Variants in NEBL observed in about 807,000 individuals in gnomAD.
NEBL encodes the protein nebulette.
Under a neutral mutation model 140.2 loss-of-function variants are expected in NEBL, and 122 were observed. That is an observed-to-expected ratio of 0.87 (90% CI 0.75 to 1.01). NEBL has a LOEUF of 1.01. Among genes scored for constraint, NEBL ranks in the 50% least tolerant of loss-of-function variants. NEBL has a pLI of 0.00. For synonymous variants in NEBL, 436 were observed against 398.9 expected (o/e 1.09, Z -1.11); for missense variants, 1,365 against 1,231.3 (o/e 1.11, Z -1.62).
chr10:21,119,590 A>T (rs1260830107), intron 2 of NEBL, among the ~76,000 whole-genome samples: 1 of 151,612 alleles, frequency 6.6e-6, no homozygotes, highest in Non-Finnish European at 1.5e-5. Context: ...TGTTTTAGAT[A>T]ATTTACATGT....
At chr10:20,967,165 G>A (rs989811521) in intron 3 of NEBL, among the ~76,000 whole-genome samples, 10 of 150,206 alleles carry the variant, frequency 6.7e-5, no homozygotes, top group African/African-American at 2.0e-4. Context: ...TCTTAATAAC[G>A]TTGTTTCTAT....
At chr10:21,245,615 TC>T (rs1349381457) in intron 3 of NEBL, among the ~76,000 whole-genome samples, 3 of 152,148 alleles carry the variant, frequency 2.0e-5, no homozygotes, top group Non-Finnish European at 2.9e-5. Context: ...CACTGCAACC[TC>T]CACCTCCTGG....
Position 21,173,825 on chromosome 10 carries a change from G to A in NEBL, c.9C>T (p.Pro3=), listed in dbSNP as rs1481573998. The A allele has an allele frequency of 1.2e-6, 2 of 1,612,420 alleles. No individual in the cohort carries two copies. The highest frequency in any genetic ancestry group is 8.5e-7 in the Non-Finnish European group (1 of 1,179,748). Residue 3 remains proline (P), a synonymous_variant, in exon 1 of 7, where the codon CCC becomes CCT. Transcript: ENST00000417816. The surrounding 1 kb of genome is among the most constrained non-coding windows in gnomAD (Gnocchi z 5.7). Reference sequence around the variant, plus strand: ...CGACTTTTCCGCAACGGGCGCACTGGGGGTTCATGATCGCGGTTCCCGGGG... The same window carrying A: ...CGACTTTTCCGCAACGGGCGCACTGAGGGTTCATGATCGCGGTTCCCGGGG...
At chr10:20,861,014 T>A (rs1843643622) in intron 7 of NEBL, among the ~76,000 whole-genome samples, 1 of 152,196 alleles carries the variant, frequency 6.6e-6, no homozygotes, top group Non-Finnish European at 1.5e-5. Flanking sequence ...CCTTACAAAC[T>A]GATTTTAAGT....
At chr10:21,143,517 A>G (rs1190063806) in intron 2 of NEBL, among the ~76,000 whole-genome samples, 3 of 152,108 alleles carry the variant, frequency 2.0e-5, no homozygotes, top group African/African-American at 7.2e-5. Flanking sequence ...CAACAATTCA[A>G]TGCAATAAGT....
intron 3 of NEBL, among the ~76,000 whole-genome samples, chr10:21,002,012 G>C (rs1397602442): frequency 1.3e-5 from 2 of 152,066 alleles, no homozygotes; most frequent in Admixed American, 1.3e-4. Flanking sequence ...AGTAATTAAG[G>C]TGATTTGTTA....
chr10:20,840,531 A>G (rs901748979), intron 13 of NEBL, among the ~76,000 whole-genome samples: 34 of 152,178 alleles, frequency 2.2e-4, no homozygotes, highest in Non-Finnish European at 3.7e-4. Flanking sequence ...GATTTTCTCC[A>G]AAGTGGGGAA....
chr10:21,100,377 C>T (rs746921202), intron 2 of NEBL, among the ~76,000 whole-genome samples: 1 of 152,164 alleles, frequency 6.6e-6, no homozygotes, highest in African/African-American at 2.4e-5. Flanking sequence ...GGAGCTCACT[C>T]GCAAACTCTG....
At chr10:20,971,402 T>A (rs1836562675) in intron 3 of NEBL, among the ~76,000 whole-genome samples, 1 of 152,044 alleles carries the variant, frequency 6.6e-6, no homozygotes, top group South Asian at 2.1e-4. Context: ...TTATAATTTT[T>A]AAATATAAAT....
At chr10:20,972,986 A>G (rs1836645550) in intron 3 of NEBL, among the ~76,000 whole-genome samples, 1 of 152,152 alleles carries the variant, frequency 6.6e-6, no homozygotes, top group Non-Finnish European at 1.5e-5. Flanking sequence ...CGTCTTCCAT[A>G]AGAAAGAAAC....
chr10:21,165,547 AG>A (rs1386448086), intron 2 of NEBL, among the ~76,000 whole-genome samples: 3 of 152,234 alleles, frequency 2.0e-5, no homozygotes, highest in Non-Finnish European at 4.4e-5. Flanking sequence ...CAGTCCTCGC[AG>A]TCCCTGAGGT....
intron 3 of NEBL, among the ~76,000 whole-genome samples, chr10:21,218,677 G>A (rs111831902): frequency 1.3e-5 from 2 of 152,060 alleles, no homozygotes; most frequent in Non-Finnish European, 2.9e-5. Flanking sequence ...AGGAGAAATG[G>A]AATACACAAT....
Position 20,813,939 on chromosome 10 carries a change from C to T in NEBL, c.2346G>A (p.Met782Ile). 6.4e-7 allele frequency: 1 copy of T among 1,568,546 alleles called. No individual in the cohort carries two copies. Among genetic ancestry groups the T allele is most frequent in the Non-Finnish European group, 8.8e-7 (1 of 1,138,770 alleles). The change falls in exon 23 of 28, where the codon ATG (methionine) becomes ATA (isoleucine). Residue 782 changes from methionine (M) to isoleucine (I), a missense_variant and splice_region_variant. Coordinates refer to ENST00000377122, the MANE Select transcript of NEBL (RefSeq NM_006393.3). ...TAAGAATGATCTGGTTGGACCCTAC[C>T]ATTGAAATATGATTTTGTGCTTCTT... is the stretch of plus-strand genomic sequence containing the variant. ...HVKEAQNHISMVKYHEDFEKT... is the reference protein window; with the variant it reads ...HVKEAQNHISIVKYHEDFEKT...
chr10:20,839,625 T>C (rs1013899893), intron 13 of NEBL, among the ~76,000 whole-genome samples: 6 of 152,174 alleles, frequency 3.9e-5, no homozygotes, highest in African/African-American at 1.4e-4. Context: ...TAAGGTCATG[T>C]TTTAAACACA....
At position 20,812,978 on chromosome 10, in the gene NEBL, T is replaced by C. The variant is rs779020944; in HGVS notation, c.2347-38A>G. Reference sequence around the variant, plus strand: ...AAATCATCATACTGAATTTTGCGGATAGTTACCTCTTTCACAACATTTTTA... The same window carrying C: ...AAATCATCATACTGAATTTTGCGGACAGTTACCTCTTTCACAACATTTTTA... On this transcript the variant is annotated intron_variant, in intron 23 of 27. Coordinates refer to ENST00000377122, the MANE Select transcript of NEBL (RefSeq NM_006393.3). 6 of 1,548,806 alleles carry C rather than the reference T, an allele frequency of 3.9e-6. No individual in the cohort carries two copies. The Admixed American group carries it at 1.0e-4, about 26-fold the overall frequency.
chr10:20,994,076 C>A (rs149433032), intron 3 of NEBL, among the ~76,000 whole-genome samples: 1 of 152,326 alleles, frequency 6.6e-6, no homozygotes, highest in African/African-American at 2.4e-5. Flanking sequence ...TACATAACTC[C>A]AATTACTGAA....
chr10:21,217,407 GA>G (rs1366503851), intron 3 of NEBL, among the ~76,000 whole-genome samples: 1 of 152,212 alleles, frequency 6.6e-6, no homozygotes. Flanking sequence ...GTTTGTTTCG[GA>G]GTGGGGAGCA....
chr10:21,072,728 T>C (rs757955001), intron 2 of NEBL, among the ~76,000 whole-genome samples: 11 of 152,174 alleles, frequency 7.2e-5, no homozygotes, highest in Non-Finnish European at 1.5e-4. Context: ...CAGTGGCTCA[T>C]GGCTGTAATC....
chr10:21,138,728 C>T (rs545238390), intron 2 of NEBL, among the ~76,000 whole-genome samples: 5 of 151,714 alleles, frequency 3.3e-5, no homozygotes, highest in African/African-American at 1.2e-4. Flanking sequence ...TGCCCAGAGT[C>T]ACACAGCTAA....
Sources: gnomAD v4.1 joint callset for allele counts (sites outside exome capture counted in the v4.1 genomes callset) on GRCh38, gnomAD v4.1.1 for gene constraint, Gnocchi (gnomAD v3.1) non-coding constraint, MANE v1.5 for transcripts, NCBI Gene and HGNC (gene_info 2026-07-23, HGNC 2026-07-21) for gene names.